FHIT: variants seen among roughly 807,000 people sequenced by gnomAD.
The protein encoded by FHIT is bis(5'-adenosyl)-triphosphatase.
A neutral mutation model predicts 17.9 loss-of-function variants in FHIT; 19 were observed. The ratio of observed to expected loss-of-function variants is 1.06; its 90% CI spans 0.74 to 1.56. The LOEUF (loss-of-function observed/expected upper bound fraction) is 1.56, where lower values mean the gene tolerates loss of function less well. Among genes scored for constraint, FHIT ranks in the 40% most tolerant of loss-of-function variants. The pLI is 0.00. For missense variants in FHIT, 248 were observed against 189.2 expected (o/e 1.31, Z -1.82); for synonymous variants, 81 against 69.7 (o/e 1.16, Z -0.81).
At chr3:60,100,782 G>T (rs1321371895) in intron 5 of FHIT, among the ~76,000 whole-genome samples, 1 of 152,066 alleles carries the variant, frequency 6.6e-6, no homozygotes, top group East Asian at 1.9e-4. Flanking sequence ...AGTCATGCTG[G>T]AGACACACCA....
rs540293822 is a variant in FHIT, at chr3:59,922,848, T to G, written c.280-434A>C. Among the ~76,000 whole-genome samples, 75 of 152,252 alleles carry G rather than the reference T, an allele frequency of 4.9e-4. 1 individual carries two copies. In the South Asian group the frequency reaches 0.015, roughly 30 times the overall value. The stretch of plus-strand genomic sequence containing the variant: ...AGTAGTATGGGCAGAATTACAGACT[T>G]GGGGCTTCGAAAAATAATCATATAA... On this transcript the variant is annotated intron_variant, in intron 7 of 9. Coordinates refer to ENST00000492590, the MANE Select transcript of FHIT (RefSeq NM_002012.4).
At chr3:60,842,585 G>C (rs1702757883) in intron 3 of FHIT, among the ~76,000 whole-genome samples, 1 of 139,766 alleles carries the variant, frequency 7.2e-6, no homozygotes, top group Admixed American at 7.3e-5. Flanking sequence ...AAAGAACCTA[G>C]AGAAATTAAA....
intron 4 of FHIT, among the ~76,000 whole-genome samples, chr3:60,815,839 T>C (rs1211545051): frequency 1.3e-5 from 2 of 152,118 alleles, no homozygotes. Flanking sequence ...GCCACATTAA[T>C]GAAATTGATT....
intron 4 of FHIT, among the ~76,000 whole-genome samples, chr3:60,649,233 T>G (rs2039935493): frequency 6.6e-6 from 1 of 151,962 alleles, no homozygotes; most frequent in Admixed American, 6.6e-5. Flanking sequence ...CCGTCTCTAC[T>G]AAAAATACAA....
intron 5 of FHIT, among the ~76,000 whole-genome samples, chr3:60,043,073 C>T (rs1360071236): frequency 6.6e-6 from 1 of 152,180 alleles, no homozygotes; most frequent in African/African-American, 2.4e-5. Flanking sequence ...GGAAAGTGGA[C>T]TGGCTAGAGT....
In FHIT at chr3:60,705,932, T is replaced by C. The variant is rs903604025; in HGVS notation, c.-18+115987A>G. ...ATAAGAATATATTATAACTATATTA[T>C]TTTTTGTTACAGCCTTCTCAAAAAT... is the stretch of plus-strand genomic sequence containing the variant. On this transcript the variant is annotated intron_variant, in intron 4 of 9. Coordinates refer to ENST00000492590, the MANE Select transcript of FHIT (RefSeq NM_002012.4). Among the ~76,000 whole-genome samples the C allele has an allele frequency of 4.5e-4, 69 of 152,240 alleles. 1 individual carries two copies. Among genetic ancestry groups the C allele is most frequent in the African/African-American group, 1.7e-3 (69 of 41,462 alleles).
intron 5 of FHIT, among the ~76,000 whole-genome samples, chr3:60,291,348 T>A (rs372045785): frequency 6.6e-6 from 1 of 152,160 alleles, no homozygotes; most frequent in East Asian, 1.9e-4. Flanking sequence ...GCCATTTGCA[T>A]AGGATGCAAA....
chr3:61,229,375 A>G (rs1272292836), intron 1 of FHIT, among the ~76,000 whole-genome samples: 3 of 152,196 alleles, frequency 2.0e-5, no homozygotes, highest in African/African-American at 7.2e-5. Context: ...TTTCTCCCCT[A>G]GAGCCTGTTG....
chr3:60,446,227 A>AT (rs546672253), intron 5 of FHIT, among the ~76,000 whole-genome samples: 644 of 152,222 alleles, frequency 4.2e-3, no homozygotes, highest in Non-Finnish European at 7.3e-3. Flanking sequence ...GATTCTTTCC[A>AT]TTTTTTGTTT....
Position 60,785,930 on chromosome 3 carries a change from CACACAGAG to C in FHIT, c.-18+35981_-18+35988del, listed in dbSNP as rs1700558996. 5.0e-5 allele frequency among the ~76,000 whole-genome samples: 6 copies of C among 119,914 alleles called. No homozygotes were observed. In the South Asian group the frequency reaches 1.4e-3, roughly 29 times the overall value. The allele number at this position is 119,914 out of a possible 152,430, so 78.7% of individuals were successfully genotyped here. ...ACACACACACACACACACACACACA[CACACAGAG>C]AGAGTACTTTTCAAGATTAGTAACA... On this transcript the variant is annotated intron_variant, in intron 4 of 9. Transcript: ENST00000492590.
chr3:60,886,667 C>G (rs1286516449), intron 3 of FHIT, among the ~76,000 whole-genome samples: 2 of 152,066 alleles, frequency 1.3e-5, no homozygotes, highest in African/African-American at 4.8e-5. Flanking sequence ...AAACAAATTC[C>G]AAGTACTCAT....
At chr3:60,188,844 C>T (rs1419399240) in intron 5 of FHIT, among the ~76,000 whole-genome samples, 2 of 152,200 alleles carry the variant, frequency 1.3e-5, no homozygotes, top group East Asian at 1.9e-4. Flanking sequence ...CAAAATGAGA[C>T]ATTTCTGAGC....
chr3:59,847,968 C>A (rs1213037334), intron 8 of FHIT, among the ~76,000 whole-genome samples: 1 of 152,136 alleles, frequency 6.6e-6, no homozygotes, highest in Non-Finnish European at 1.5e-5. Flanking sequence ...AAGGCATCAG[C>A]CCTTTAAATT....
intron 5 of FHIT, among the ~76,000 whole-genome samples, chr3:60,138,615 C>T (rs1174168746): frequency 1.3e-5 from 2 of 152,114 alleles, no homozygotes; most frequent in Non-Finnish European, 2.9e-5. Context: ...AGTTGTCATG[C>T]TATCTCCAAG....
chr3:60,425,998 T>C (rs1702649574), intron 5 of FHIT, among the ~76,000 whole-genome samples: 1 of 152,064 alleles, frequency 6.6e-6, no homozygotes, highest in Non-Finnish European at 1.5e-5. Flanking sequence ...GCAATAACAA[T>C]ACAAGGGGTG....
intron 8 of FHIT, among the ~76,000 whole-genome samples, chr3:59,771,298 G>C (rs1053505335): frequency 2.6e-5 from 4 of 152,244 alleles, no homozygotes; most frequent in African/African-American, 7.2e-5. Flanking sequence ...CTCTATAAAG[G>C]CCAAAGACAG....
At chr3:60,614,893 G>A (rs1236031920) in intron 4 of FHIT, among the ~76,000 whole-genome samples, 2 of 126,636 alleles carry the variant, frequency 1.6e-5, no homozygotes, top group Non-Finnish European at 3.2e-5. Flanking sequence ...GCAGTGGCAT[G>A]ATCTCGGCTC....
At chr3:60,137,647 C>T (rs578259375) in intron 5 of FHIT, among the ~76,000 whole-genome samples, 121 of 152,174 alleles carry the variant, frequency 8.0e-4, no homozygotes, top group African/African-American at 2.8e-3. Context: ...GGCAACAATA[C>T]CTGAAACTCT....
At chr3:60,314,312 G>T (rs1360063037) in intron 5 of FHIT, among the ~76,000 whole-genome samples, 1 of 152,056 alleles carries the variant, frequency 6.6e-6, no homozygotes, top group Non-Finnish European at 1.5e-5. Flanking sequence ...AAATCAAAAG[G>T]AGTAAGGGAT....
Sources: allele counts gnomAD v4.1 joint callset (sites outside exome capture counted in the v4.1 genomes callset), GRCh38; gene constraint gnomAD v4.1.1; transcripts MANE v1.5; gene names NCBI Gene and HGNC (gene_info 2026-07-23, HGNC 2026-07-21).